The following BCL11B variants were observed in gnomAD, a reference collection of about 807,000 sequenced individuals.
The protein encoded by BCL11B is BCL11 transcription factor B, also known as B-cell lymphoma/leukemia 11B.
A neutral mutation model predicts 49.9 loss-of-function variants in BCL11B; 8 were observed. That is an observed-to-expected ratio of 0.16 (90% CI 0.09 to 0.29). The LOEUF is 0.29. BCL11B is among the 10% of genes least tolerant of loss of function. The probability of loss-of-function intolerance (pLI) is 1.00; values close to 1 mark genes in which losing one functional copy is unlikely to be tolerated. For missense variants in BCL11B, 1,006 were observed against 1,351.0 expected, an observed-to-expected ratio of 0.74 and a Z score of 4.00; for synonymous variants, 739 against 637.4, an observed-to-expected ratio of 1.16 and a Z score of -2.40.
At chr14:99,250,298 G>A (rs773095538) in intron 2 of BCL11B, among the ~76,000 whole-genome samples, 1 of 151,956 alleles carries the variant, frequency 6.6e-6, no homozygotes, top group Non-Finnish European at 1.5e-5. Context: ...GCCTCCCAAA[G>A]TCCTGAGATT....
chr14:99,221,329 C>T (rs972615517), intron 3 of BCL11B, among the ~76,000 whole-genome samples: 2 of 152,218 alleles, frequency 1.3e-5, no homozygotes, highest in African/African-American at 2.4e-5. Flanking sequence ...TTAACAAAGG[C>T]AATCATTTAA....
intron 3 of BCL11B, among the ~76,000 whole-genome samples, chr14:99,181,458 C>T (rs1264453830): frequency 6.6e-6 from 1 of 152,254 alleles, no homozygotes; most frequent in African/African-American, 2.4e-5. Flanking sequence ...GGCCACGCTC[C>T]TCCTCAGGCT....
rs1566831833 is a variant in BCL11B, at chr14:99,255,431, A to AC, written c.427+2039_427+2040insG. ...AAAAAAAAAAAAAAAAAAAAAAAAA[A>AC]AAAACAGGGGGGCCAGGGGGTGGAA... On this transcript the variant is annotated intron_variant, in intron 2 of 3. Transcript: ENST00000357195. 3.9e-4 allele frequency among the ~76,000 whole-genome samples: 44 copies of AC among 111,424 alleles called. 2 individuals are homozygous for AC. Among genetic ancestry groups the AC allele is most frequent in the South Asian group, 5.9e-4 (2 of 3,386 alleles). 73.1% of individuals were successfully genotyped at this position (111,424 alleles called of 152,430 possible).
chr14:99,267,074 T>A (rs1028776154), intron 1 of BCL11B, among the ~76,000 whole-genome samples: 1 of 152,090 alleles, frequency 6.6e-6, no homozygotes, highest in African/African-American at 2.4e-5. Flanking sequence ...TAGGACCCAC[T>A]TAGCCCTCCA....
chr14:99,211,830 T>C (rs894280109), intron 3 of BCL11B, among the ~76,000 whole-genome samples: 2 of 152,164 alleles, frequency 1.3e-5, no homozygotes, highest in African/African-American at 2.4e-5. Flanking sequence ...TTACAGAAAA[T>C]TTAATGAGTA....
chr14:99,251,055 C>T (rs1888995330), intron 2 of BCL11B, among the ~76,000 whole-genome samples: 1 of 152,082 alleles, frequency 6.6e-6, no homozygotes, highest in South Asian at 2.1e-4. Flanking sequence ...GAAGGGCTCA[C>T]CCCCTTTCTC....
intron 2 of BCL11B, among the ~76,000 whole-genome samples, chr14:99,255,814 T>C (rs1379850445): frequency 2.0e-5 from 3 of 152,216 alleles, no homozygotes; most frequent in Non-Finnish European, 4.4e-5. Flanking sequence ...CAGGTGCACA[T>C]AGCACTCTGA....
In BCL11B at chr14:99,261,802, T is replaced by C. The variant is rs566436718; in HGVS notation, c.59-3963A>G. 1.4e-4 allele frequency among the ~76,000 whole-genome samples: 22 copies of C among 152,268 alleles called. No homozygotes were observed. In the East Asian group the frequency reaches 4.0e-3, roughly 28 times the overall value. On this transcript the variant is annotated intron_variant, in intron 1 of 3. Coordinates refer to ENST00000357195, the MANE Select transcript of BCL11B (RefSeq NM_138576.4). ...ATGAATGGATGCAGCAGACAACTTGTTCGAAAGGCAGATATCAGAGGGCTG... is the reference window on the plus strand; with the variant it reads ...ATGAATGGATGCAGCAGACAACTTGCTCGAAAGGCAGATATCAGAGGGCTG...
rs574187010 is a variant in BCL11B at position 99,247,949 on chromosome 14, C to T, written c.427+9522G>A. Among the ~76,000 whole-genome samples, 5 of 152,332 alleles carry T rather than the reference C, an allele frequency of 3.3e-5. No homozygotes were observed. Among genetic ancestry groups the T allele is most frequent in the African/African-American group, 9.6e-5 (4 of 41,588 alleles). ...TGCCTTGGCTTAGAGACAGAGCAGG[C>T]GGTCCTGGGCTGGGGGGCTCACCCT... On this transcript the variant is annotated intron_variant, in intron 2 of 3. Coordinates refer to ENST00000357195, the MANE Select transcript of BCL11B (RefSeq NM_138576.4). This position sits in a 1 kb window ranked among gnomAD's most constrained non-coding sequence, Gnocchi z 4.5.
rs1886804059 is a variant in BCL11B, at chr14:99,184,755, C to T, written c.641-8560G>A. ...CCAGCCCGGGAGGCCAAGCTGAAGG[C>T]CTTCGAGGGCAGGAAATGGCCCAGA... On this transcript the variant is annotated intron_variant, in intron 3 of 3. Coordinates refer to ENST00000357195, the MANE Select transcript of BCL11B (RefSeq NM_138576.4). This position sits in a 1 kb window ranked among gnomAD's most constrained non-coding sequence, Gnocchi z 6.1. Among the ~76,000 whole-genome samples, 1 of 152,170 alleles carries T rather than the reference C, an allele frequency of 6.6e-6. No homozygotes were observed. Among genetic ancestry groups the T allele is most frequent in the Admixed American group, 6.5e-5 (1 of 15,276 alleles).
chr14:99,187,768 C>T (rs1281986709), intron 3 of BCL11B, among the ~76,000 whole-genome samples: 4 of 97,748 alleles, frequency 4.1e-5, no homozygotes, highest in African/African-American at 1.4e-4. Flanking sequence ...AGAAGCACCC[C>T]ATGCAGGCCT....
intron 3 of BCL11B, 73 bp from the exon 4 acceptor site, chr14:99,176,268 A>T: frequency 1.4e-6 from 2 of 1,418,132 alleles, no homozygotes; most frequent in Non-Finnish European, 1.9e-6. Flanking sequence ...CCGCAGGGCC[A>T]CTGGCCTGGG....
chr14:99,211,709 G>A (rs1887695169), intron 3 of BCL11B, among the ~76,000 whole-genome samples: 1 of 152,000 alleles, frequency 6.6e-6, no homozygotes, highest in Non-Finnish European at 1.5e-5. Flanking sequence ...ACGTGAATGT[G>A]TGACTCTGAC....
intron 2 of BCL11B, among the ~76,000 whole-genome samples, chr14:99,236,552 T>C (rs1888504732): frequency 6.6e-6 from 1 of 152,158 alleles, no homozygotes; most frequent in Non-Finnish European, 1.5e-5. Flanking sequence ...GCATGAACTG[T>C]GGTCATCTGG....
At chr14:99,215,016 G>A (rs1057271794) in intron 3 of BCL11B, among the ~76,000 whole-genome samples, 5 of 152,088 alleles carry the variant, frequency 3.3e-5, no homozygotes, top group South Asian at 2.1e-4. Flanking sequence ...CAGCTACAGC[G>A]GAATGTCCCT....
chr14:99,252,635 C>T (rs1307637698), intron 2 of BCL11B, among the ~76,000 whole-genome samples: 1 of 152,232 alleles, frequency 6.6e-6, no homozygotes, highest in Non-Finnish European at 1.5e-5. Flanking sequence ...GCAGGGACAT[C>T]GCAGCCAGGG....
chr14:99,231,815 G>A lies in BCL11B; in HGVS notation c.428-258C>T, dbSNP rs573797360. Among the ~76,000 whole-genome samples, 998 of 152,100 alleles carry A rather than the reference G, an allele frequency of 6.6e-3. 14 individuals are homozygous for A. The highest frequency in any genetic ancestry group is 0.011 in the Non-Finnish European group (740 of 67,936). ...TGGGCTGTCGGGGAGGCAGGACCCC[G>A]CCTCTGGGGGCCTGGTGCAGGGGGC... On this transcript the variant is annotated intron_variant, in intron 2 of 3. Coordinates refer to ENST00000357195, the MANE Select transcript of BCL11B (RefSeq NM_138576.4). This position sits in a 1 kb window ranked among gnomAD's most constrained non-coding sequence, Gnocchi z 8.1.
rs1466357052 is a variant in BCL11B at position 99,184,704 on chromosome 14, C to T, written c.641-8509G>A. On this transcript the variant is annotated intron_variant, in intron 3 of 3. Transcript: ENST00000357195. This position sits in a 1 kb window ranked among gnomAD's most constrained non-coding sequence, Gnocchi z 6.1. ...CTGAGCCAGCCCTGTCTAATCATTCCGCCTGCACCTGGGATTGCCAGCAAG... is the reference window on the plus strand; with the variant it reads ...CTGAGCCAGCCCTGTCTAATCATTCTGCCTGCACCTGGGATTGCCAGCAAG... Among the ~76,000 whole-genome samples the T allele has an allele frequency of 7.9e-5, 12 of 152,142 alleles. No individual in the cohort carries two copies. Among genetic ancestry groups the T allele is most frequent in the Admixed American group, 7.9e-4 (12 of 15,284 alleles).
chr14:99,233,373 C>T (rs1888392255), intron 2 of BCL11B, among the ~76,000 whole-genome samples: 2 of 152,214 alleles, frequency 1.3e-5, no homozygotes, highest in African/African-American at 4.8e-5. Context: ...GCCCGCAATG[C>T]TCTGCTTCCC....
Sources: gnomAD v4.1 joint callset for allele counts (sites outside exome capture counted in the v4.1 genomes callset) on GRCh38, gnomAD v4.1.1 for gene constraint, Gnocchi (gnomAD v3.1) non-coding constraint, MANE v1.5 for transcripts, NCBI Gene and HGNC (gene_info 2026-07-23, HGNC 2026-07-21) for gene names.